C8A: variants seen among roughly 807,000 people sequenced by gnomAD.
C8A encodes complement component C8 alpha chain.
Under a neutral mutation model 65.3 loss-of-function variants are expected in C8A, and 67 were observed. The ratio of observed to expected loss-of-function variants is 1.03; its 90% CI spans 0.84 to 1.26. The LOEUF (loss-of-function observed/expected upper bound fraction) is 1.26, where lower values mean the gene tolerates loss of function less well. Among genes scored for constraint, C8A ranks in the 50% most tolerant of loss-of-function variants. The pLI, the probability that C8A is intolerant of heterozygous loss-of-function variation, is 0.00. For synonymous variants in C8A, 290 were observed against 259.4 expected (o/e 1.12, Z -1.13); for missense variants, 781 against 723.9 (o/e 1.08, Z -0.90).
intron 3 of C8A, among the ~76,000 whole-genome samples, chr1:56,875,526 A>G (rs551119673): frequency 6.6e-6 from 1 of 152,276 alleles, no homozygotes; most frequent in Non-Finnish European, 1.5e-5. Context: ...TCTTTCTAGC[A>G]GGAGGTTCCC....
intron 2 of C8A, among the ~76,000 whole-genome samples, chr1:56,872,932 A>T (rs1644160772): frequency 6.6e-6 from 1 of 152,058 alleles, no homozygotes; most frequent in Non-Finnish European, 1.5e-5. Flanking sequence ...TTGGCTCTAC[A>T]TTTCTATGCT....
Position 56,907,544 on chromosome 1 carries a change from T to G in C8A, c.1223-412T>G, listed in dbSNP as rs536644079. 5.3e-5 allele frequency among the ~76,000 whole-genome samples: 8 copies of G among 152,342 alleles called. No homozygotes were observed. In the East Asian group the frequency reaches 1.5e-3, roughly 29 times the overall value. The stretch of plus-strand genomic sequence containing the variant: ...CCCCCTACTGTATAGCTAACTAGTT[T>G]CTTTCACTGTGCCCACATTGAGTCC... On this transcript the variant is annotated intron_variant, in intron 8 of 10. Coordinates refer to ENST00000361249, the MANE Select transcript of C8A (RefSeq NM_000562.3).
At chr1:56,909,454 T>A (rs955329375) in intron 9 of C8A, among the ~76,000 whole-genome samples, 5 of 152,246 alleles carry the variant, frequency 3.3e-5, no homozygotes, top group Non-Finnish European at 7.3e-5. Context: ...ACCATTTTCA[T>A]GCAACTGTAA....
At position 56,854,894 on chromosome 1, in the gene C8A, T is replaced by C; in HGVS notation, c.-8T>C. On this transcript the variant is annotated 5_prime_UTR_variant, in exon 1 of 11. Transcript: ENST00000361249. ...CAAGGTAATATAGTGCGGTGGCTTC[T>C]GGCTGAGATGTTTGCTGTTGTTTTC... is the stretch of plus-strand genomic sequence containing the variant. 6.2e-7 allele frequency: 1 copy of C among 1,612,856 alleles called. No individual in the cohort carries two copies. The highest frequency in any genetic ancestry group is 1.7e-5 in the Admixed American group (1 of 59,884).
At chr1:56,912,242 C>A (rs987552682) in intron 9 of C8A, among the ~76,000 whole-genome samples, 161 bp from the exon 10 acceptor site, 4 of 152,182 alleles carry the variant, frequency 2.6e-5, no homozygotes, top group Non-Finnish European at 5.9e-5. Context: ...ATACCTATGT[C>A]ACAGAATGGC....
intron 10 of C8A, among the ~76,000 whole-genome samples, chr1:56,913,246 A>G (rs1440661871): frequency 1.3e-5 from 2 of 152,208 alleles, no homozygotes; most frequent in African/African-American, 4.8e-5. Flanking sequence ...TCATCTGCAA[A>G]GATCCTATTT....
At chr1:56,890,316 C>T (rs1644334835) in intron 7 of C8A, among the ~76,000 whole-genome samples, 1 of 152,156 alleles carries the variant, frequency 6.6e-6, no homozygotes, top group Non-Finnish European at 1.5e-5. Context: ...CACCCCTTCT[C>T]CCATAGTTTC....
intron 1 of C8A, among the ~76,000 whole-genome samples, chr1:56,864,439 C>T (rs1041710947): frequency 2.0e-5 from 3 of 151,868 alleles, no homozygotes; most frequent in African/African-American, 7.3e-5. Context: ...AATGGAGATC[C>T]CAATGAGGTT....
chr1:56,888,992 T>C (rs1333080368), intron 7 of C8A, among the ~76,000 whole-genome samples: 1 of 152,158 alleles, frequency 6.6e-6, no homozygotes. Context: ...GCTCCCGTCT[T>C]TGGGGCTGGA....
At chr1:56,864,264 G>T (rs144559822) in intron 1 of C8A, among the ~76,000 whole-genome samples, 71 of 152,308 alleles carry the variant, frequency 4.7e-4, no homozygotes, top group African/African-American at 1.6e-3. Flanking sequence ...ATTCATTCAG[G>T]GTTGGGATTT....
In C8A at chr1:56,854,952, G is replaced by C. The variant is rs267598665; in HGVS notation, c.51G>C (p.Gly17=). ...FILSLMTCQP[G]VTAQEKVNQR... Reference sequence around the variant, plus strand: ...TGTCTTTGATGACTTGTCAGCCTGGGGTAACTGCACAGGAGAAGGTGAACC... The same window carrying C: ...TGTCTTTGATGACTTGTCAGCCTGGCGTAACTGCACAGGAGAAGGTGAACC... The change falls in exon 1 of 11, where the codon GGG becomes GGC. Residue 17 remains glycine (G), a synonymous_variant. Transcript: ENST00000361249. 11 of 1,613,802 alleles carry C rather than the reference G, an allele frequency of 6.8e-6. No individual in the cohort carries two copies. The South Asian group carries it at 9.9e-5, about 15-fold the overall frequency.
At chr1:56,912,304 C>T in intron 9 of C8A, 99 bp from the exon 10 acceptor site, 5 of 1,048,152 alleles carry the variant, frequency 4.8e-6, no homozygotes, top group Non-Finnish European at 7.3e-6. Flanking sequence ...CTGTGCCTGG[C>T]ATGTATCAGG....
intron 1 of C8A, among the ~76,000 whole-genome samples, chr1:56,857,404 G>A (rs1304658022): frequency 6.6e-6 from 1 of 151,734 alleles, no homozygotes; most frequent in African/African-American, 2.4e-5. Context: ...CCTGGCAATG[G>A]TCCTTGTTCT....
In C8A at chr1:56,854,967, G is replaced by T; in HGVS notation, c.66G>T (p.Glu22Asp). ...MTCQPGVTAQ[E>D]KVNQRVRRAA... Reference sequence around the variant, plus strand: ...GTCAGCCTGGGGTAACTGCACAGGAGAAGGTGAACCAGTAAGTGGGCCATA... The same window carrying T: ...GTCAGCCTGGGGTAACTGCACAGGATAAGGTGAACCAGTAAGTGGGCCATA... The change falls in exon 1 of 11, where the codon GAG becomes GAT. Residue 22 changes from glutamate to aspartate, a missense_variant. Glu to Asp is a conservative substitution (Grantham distance 45, BLOSUM62 2). Transcript: ENST00000361249. 6.2e-7 allele frequency: 1 copy of T among 1,613,454 alleles called. No individual in the cohort carries two copies. Among genetic ancestry groups the T allele is most frequent in the South Asian group, 1.1e-5 (1 of 90,982 alleles).
chr1:56,897,468 G>T (rs6700128), intron 7 of C8A, among the ~76,000 whole-genome samples: 2 of 152,124 alleles, frequency 1.3e-5, no homozygotes, highest in African/African-American at 4.8e-5. Context: ...CAAGATGCGG[G>T]CTCAGCCAGA....
intron 7 of C8A, among the ~76,000 whole-genome samples, chr1:56,901,037 A>G (rs940567414): frequency 6.6e-6 from 1 of 152,174 alleles, no homozygotes. Flanking sequence ...AAAGGCACTG[A>G]GGTACTCATT....
At chr1:56,875,633 AG>A (rs1034589214) in intron 3 of C8A, among the ~76,000 whole-genome samples, 34 of 152,262 alleles carry the variant, frequency 2.2e-4, no homozygotes, top group African/African-American at 7.9e-4. Context: ...AACATGCAAA[AG>A]CATGGGGATC....
Position 56,908,327 on chromosome 1 carries a change from A to G in C8A, c.1380+214A>G, listed in dbSNP as rs947656. 0.1 allele frequency among the ~76,000 whole-genome samples: 15,592 copies of G among 152,184 alleles called. 1,254 individuals are homozygous for G. The highest frequency in any genetic ancestry group is 0.22 in the African/African-American group (8,962 of 41,484). On this transcript the variant is annotated intron_variant, in intron 9 of 10. Coordinates refer to ENST00000361249, the MANE Select transcript of C8A (RefSeq NM_000562.3). ...AGCTGGGATCAGAAACTGATGATCT[A>G]GTCAGTGCCTAGTTTTACACTGCTC... is the stretch of plus-strand genomic sequence containing the variant.
At chr1:56,897,612 A>C (rs1270544366) in intron 7 of C8A, among the ~76,000 whole-genome samples, 2 of 152,172 alleles carry the variant, frequency 1.3e-5, no homozygotes, top group African/African-American at 4.8e-5. Context: ...ATGTGAGGAG[A>C]GTGATTGGGG....
Sources: allele counts gnomAD v4.1 joint callset (sites outside exome capture counted in the v4.1 genomes callset), GRCh38; gene constraint gnomAD v4.1.1; transcripts MANE v1.5; gene names NCBI Gene and HGNC (gene_info 2026-07-23, HGNC 2026-07-21).